Variants in CNTNAP2 observed in about 807,000 individuals in gnomAD.
The protein encoded by CNTNAP2 is contactin associated protein 2, also known as contactin-associated protein-like 2.
In CNTNAP2, 98 loss-of-function variants were observed where a neutral mutation model predicts 155.2. The observed-to-expected ratio is 0.63, with a 90% CI of 0.54 to 0.75. CNTNAP2 has a LOEUF of 0.75. CNTNAP2 is among the 30% of genes least tolerant of loss of function. The pLI is 0.00. For missense variants in CNTNAP2, 1,727 were observed against 1,688.1 expected, an observed-to-expected ratio of 1.02 and a Z score of -0.40; for synonymous variants, 651 against 631.2, an observed-to-expected ratio of 1.03 and a Z score of -0.47.
intron 3 of CNTNAP2, among the ~76,000 whole-genome samples, chr7:147,034,927 C>T (rs1409933292): frequency 1.3e-5 from 2 of 152,102 alleles, no homozygotes; most frequent in Non-Finnish European, 1.5e-5. Flanking sequence ...AACATTTGAG[C>T]GCAAAAACAG....
intron 13 of CNTNAP2, among the ~76,000 whole-genome samples, chr7:147,736,673 T>G (rs1796852078): frequency 6.6e-6 from 1 of 152,212 alleles, no homozygotes; most frequent in African/African-American, 2.4e-5. Flanking sequence ...CAGACGTAGA[T>G]TTGGTCTTTT....
intron 1 of CNTNAP2, among the ~76,000 whole-genome samples, chr7:146,452,388 T>C (rs2129122578): frequency 6.6e-6 from 1 of 152,332 alleles, no homozygotes; most frequent in South Asian, 2.1e-4. Context: ...AAATATTCAA[T>C]AAATATTTGA....
chr7:148,375,629 G>C (rs977815470), intron 21 of CNTNAP2, among the ~76,000 whole-genome samples: 2 of 151,164 alleles, frequency 1.3e-5, no homozygotes, highest in African/African-American at 4.9e-5. Context: ...AAAGTGCTGG[G>C]ATTACAGGCG....
chr7:147,691,732 T>C (rs954906203), intron 13 of CNTNAP2, among the ~76,000 whole-genome samples: 2 of 152,154 alleles, frequency 1.3e-5, no homozygotes, highest in Non-Finnish European at 2.9e-5. Flanking sequence ...GTTTTAGGTT[T>C]ACAGCAAAAT....
chr7:146,857,777 G>C (rs1225388035), intron 3 of CNTNAP2, among the ~76,000 whole-genome samples: 1 of 152,182 alleles, frequency 6.6e-6, no homozygotes, highest in Non-Finnish European at 1.5e-5. Context: ...CCTGATGTAA[G>C]TGATGAGTAG....
At chr7:147,739,196 G>A (rs1334760080) in intron 13 of CNTNAP2, among the ~76,000 whole-genome samples, 4 of 150,316 alleles carry the variant, frequency 2.7e-5, no homozygotes, top group Non-Finnish European at 1.5e-5. Flanking sequence ...TCATTTCATG[G>A]GATTATTGTG....
intron 2 of CNTNAP2, among the ~76,000 whole-genome samples, chr7:146,805,365 T>C (rs995018834): frequency 2.0e-5 from 3 of 152,202 alleles, no homozygotes; most frequent in African/African-American, 7.2e-5. Flanking sequence ...AATTGATAGT[T>C]GAATTGTGAC....
Position 147,395,795 on chromosome 7 carries a change from C to T in CNTNAP2, c.1670+15C>T. On this transcript the variant is annotated intron_variant, in intron 10 of 23. Coordinates refer to ENST00000361727, the MANE Select transcript of CNTNAP2 (RefSeq NM_014141.6). ...ATCATAGACAGGTAAATGATCTTTT[C>T]ATCCTACCTCACGTTGTCCAAACTT... 3 of 1,611,164 alleles carry T rather than the reference C, an allele frequency of 1.9e-6. No individual in the cohort carries two copies. The highest frequency in any genetic ancestry group is 2.5e-6 in the Non-Finnish European group (3 of 1,177,890).
chr7:146,859,611 C>T lies in CNTNAP2; in HGVS notation c.402+19707C>T, dbSNP rs183328243. ...GGCAGAAGTTGCAGTGGGCCAAGAT[C>T]GCACACCGTTGCACTCCAGCCTGGG... On this transcript the variant is annotated intron_variant, in intron 3 of 23. Transcript: ENST00000361727. 4.6e-5 allele frequency among the ~76,000 whole-genome samples: 7 copies of T among 151,912 alleles called. No homozygotes were observed. In the South Asian group the frequency reaches 8.3e-4, roughly 18 times the overall value.
chr7:146,216,228 G>T (rs866317524), intron 1 of CNTNAP2, among the ~76,000 whole-genome samples: 1 of 152,304 alleles, frequency 6.6e-6, no homozygotes, highest in South Asian at 2.1e-4. Context: ...GAAGCCAGGG[G>T]TTGGCTTTCT....
intron 14 of CNTNAP2, among the ~76,000 whole-genome samples, chr7:147,915,448 T>C (rs1221213219): frequency 6.6e-6 from 1 of 152,224 alleles, no homozygotes; most frequent in African/African-American, 2.4e-5. Context: ...GTGCATATTA[T>C]AGGAATATGA....
At chr7:146,450,911 G>T (rs1000371448) in intron 1 of CNTNAP2, among the ~76,000 whole-genome samples, 1 of 149,990 alleles carries the variant, frequency 6.7e-6, no homozygotes. Context: ...TGTAAATAGA[G>T]ATGCTGTTAT....
chr7:147,802,811 G>A (rs920713360), intron 13 of CNTNAP2, among the ~76,000 whole-genome samples: 1 of 150,520 alleles, frequency 6.6e-6, no homozygotes, highest in Non-Finnish European at 1.5e-5. Flanking sequence ...GGGAGAGGGA[G>A]AGGGAGAGGG....
At chr7:147,812,635 C>A (rs774840652) in intron 13 of CNTNAP2, among the ~76,000 whole-genome samples, 13 of 152,190 alleles carry the variant, frequency 8.5e-5, no homozygotes, top group Admixed American at 3.3e-4. Context: ...ACCATCCCAG[C>A]CACAAGGCCT....
chr7:147,338,256 A>G (rs1795698297), intron 9 of CNTNAP2, among the ~76,000 whole-genome samples: 1 of 152,154 alleles, frequency 6.6e-6, no homozygotes, highest in African/African-American at 2.4e-5. Context: ...AGAACTCACT[A>G]TCACGAGAAC....
At chr7:147,399,199 C>T (rs933354916) in intron 10 of CNTNAP2, among the ~76,000 whole-genome samples, 2 of 152,026 alleles carry the variant, frequency 1.3e-5, no homozygotes, top group African/African-American at 2.4e-5. Flanking sequence ...GCCCTCCAGA[C>T]TTGTAGGTTA....
chr7:147,300,935 G>A (rs1438440112), intron 9 of CNTNAP2, among the ~76,000 whole-genome samples: 1 of 152,146 alleles, frequency 6.6e-6, no homozygotes, highest in African/African-American at 2.4e-5. Flanking sequence ...GGAGGGGAAA[G>A]CCAGTAAGTC....
chr7:147,782,256 T>G lies in CNTNAP2; in HGVS notation c.2099-121309T>G, dbSNP rs118077028. On this transcript the variant is annotated intron_variant, in intron 13 of 23. Transcript: ENST00000361727. ...AGTAAGTGCTAAGGTCATTTCTAGG[T>G]TCAAATATTTTTGCAAAATCAGGAA... 2.8e-4 allele frequency among the ~76,000 whole-genome samples: 42 copies of G among 152,280 alleles called. 1 individual carries two copies. The East Asian group carries it at 8.1e-3, about 29-fold the overall frequency.
rs534662401 is a variant in CNTNAP2, at chr7:147,080,718, T to C, written c.551-27429T>C. Among the ~76,000 whole-genome samples the C allele has an allele frequency of 3.4e-5, 5 of 148,248 alleles. No individual in the cohort carries two copies. The South Asian group carries it at 1.0e-3, about 31-fold the overall frequency. On this transcript the variant is annotated intron_variant, in intron 4 of 23. Transcript: ENST00000361727. ...TATAAAATAAATATATATAAATATATATATAAAACTTTGTGTCATTTCAAT... is the reference window on the plus strand; with the variant it reads ...TATAAAATAAATATATATAAATATACATATAAAACTTTGTGTCATTTCAAT...
Sources: gnomAD v4.1 joint callset for allele counts (sites outside exome capture counted in the v4.1 genomes callset) on GRCh38, gnomAD v4.1.1 for gene constraint, MANE v1.5 for transcripts, NCBI Gene and HGNC (gene_info 2026-07-23, HGNC 2026-07-21) for gene names.